The following QTGAL variants were observed in gnomAD, a reference collection of about 807,000 sequenced individuals.
The protein encoded by QTGAL is BGnT-like protein 1.
At chr17:83,028,323 G>T in the QTGAL span, among the ~76,000 whole-genome samples, 1 of 151,490 alleles carries the variant, frequency 6.6e-6, no homozygotes, top group African/African-American at 2.4e-5. Flanking sequence ...AGGAGATCGA[G>T]ACCATCCTGG....
chr17:82,945,961 C>A, the QTGAL span: 1 of 152,222 alleles, frequency 6.6e-6, no homozygotes, highest in East Asian at 1.9e-4. Context: ...CGTAGAATTG[C>A]TTAAAATGGA....
At chr17:82,970,616 C>CACACGGCGTGGCCGTGACCTCCG in the QTGAL span, among the ~76,000 whole-genome samples, 2 of 31,210 alleles carry the variant, frequency 6.4e-5, no homozygotes, top group African/African-American at 2.8e-4. Context: ...CGCGACCTCC[C>CACACGGCGTGGCCGTGACCTCCG]CACCCGGCGT....
At chr17:82,998,485 A>G in the QTGAL span, among the ~76,000 whole-genome samples, 1 of 152,036 alleles carries the variant, frequency 6.6e-6, no homozygotes, top group Admixed American at 6.6e-5. Context: ...AGCTGGGACT[A>G]CAGGCGCCCA....
chr17:82,993,290 T>C, the QTGAL span, among the ~76,000 whole-genome samples: 1 of 152,030 alleles, frequency 6.6e-6, no homozygotes, highest in East Asian at 1.9e-4. Context: ...TCCATGCCAA[T>C]GGAACCAGAA....
At chr17:83,045,671 TG>T in the QTGAL span, among the ~76,000 whole-genome samples, 1 of 152,102 alleles carries the variant, frequency 6.6e-6, no homozygotes, top group Non-Finnish European at 1.5e-5. Context: ...GGAAAAAAAT[TG>T]CAAATTATAT....
the QTGAL span, among the ~76,000 whole-genome samples, chr17:82,950,759 T>A: frequency 6.6e-6 from 1 of 152,364 alleles, no homozygotes; most frequent in East Asian, 1.9e-4. Context: ...TCAGAGCTCC[T>A]GGGTGACCAG....
the QTGAL span, among the ~76,000 whole-genome samples, chr17:82,985,160 T>C: frequency 6.6e-6 from 1 of 152,172 alleles, no homozygotes; most frequent in Admixed American, 6.5e-5. Flanking sequence ...CACCTTTCGG[T>C]TTGTTTAGAA....
At chr17:82,947,091 A>G in the QTGAL span, 3 of 888,990 alleles carry the variant, frequency 3.4e-6, no homozygotes, top group South Asian at 1.6e-5. Flanking sequence ...CCACCTGTCA[A>G]GTGTTCTGCT....
At chr17:83,024,796 T>G in the QTGAL span, among the ~76,000 whole-genome samples, 1 of 152,250 alleles carries the variant, frequency 6.6e-6, no homozygotes, top group Non-Finnish European at 1.5e-5. Flanking sequence ...GACGCTGTGA[T>G]GCTGAGGAGT....
the QTGAL span, among the ~76,000 whole-genome samples, chr17:82,970,556 G>GA: frequency 1.8e-4 from 26 of 141,256 alleles, no homozygotes; most frequent in East Asian, 4.0e-4. Context: ...ACCCGGCGTG[G>GA]CCGCGACCTC....
the QTGAL span, among the ~76,000 whole-genome samples, chr17:83,015,792 G>A: frequency 6.2e-4 from 94 of 152,322 alleles, no homozygotes; most frequent in Middle Eastern, 3.4e-3. This position sits in a 1 kb window ranked among gnomAD's most constrained non-coding sequence, Gnocchi z 4.4. Flanking sequence ...AGGAATCCAG[G>A]TCACAGACTC....
chr17:83,035,194 TTC>T, the QTGAL span: 6 of 1,142,314 alleles, frequency 5.3e-6, no homozygotes, highest in African/African-American at 3.2e-5. Flanking sequence ...TTTTTTTTTT[TTC>T]GAGATGGAGT....
chr17:83,002,509 C>T, the QTGAL span, among the ~76,000 whole-genome samples: 1 of 152,204 alleles, frequency 6.6e-6, no homozygotes, highest in African/African-American at 2.4e-5. Flanking sequence ...CCAGGACACG[C>T]GCCCTCGGCC....
At chr17:82,951,825 G>A in the QTGAL span, among the ~76,000 whole-genome samples, 1 of 151,870 alleles carries the variant, frequency 6.6e-6, no homozygotes, top group South Asian at 2.1e-4. Flanking sequence ...GAGCGGGGAG[G>A]CGACAGCTGC....
chr17:83,032,773 A>C, the QTGAL span, among the ~76,000 whole-genome samples: 1 of 152,198 alleles, frequency 6.6e-6, no homozygotes, highest in Admixed American at 6.5e-5. Flanking sequence ...CTAAGAAGAA[A>C]AGAGAAGAAA....
At chr17:82,960,131 C>T in the QTGAL span, among the ~76,000 whole-genome samples, 2,359 of 152,264 alleles carry the variant, frequency 0.015, 71 homozygotes, top group African/African-American at 0.054. Context: ...AGCGCGGACG[C>T]GGGAGGCCCC....
At chr17:82,982,558 G>A in the QTGAL span, among the ~76,000 whole-genome samples, 2 of 150,504 alleles carry the variant, frequency 1.3e-5, no homozygotes, top group Non-Finnish European at 1.5e-5. Flanking sequence ...CTCCCACCAC[G>A]TGAGGACACG....
the QTGAL span, among the ~76,000 whole-genome samples, chr17:83,026,249 G>A: frequency 3.3e-5 from 5 of 152,284 alleles, no homozygotes; most frequent in South Asian, 2.1e-4. Context: ...TCACTCTTCC[G>A]TGCCCTGGGA....
At chr17:83,024,634 AGG>A in the QTGAL span, among the ~76,000 whole-genome samples, 1 of 152,236 alleles carries the variant, frequency 6.6e-6, no homozygotes, top group Admixed American at 6.5e-5. Flanking sequence ...ACTCTGGCCC[AGG>A]GGTGAATCCA....
Sources: allele counts gnomAD v4.1 joint callset (sites outside exome capture counted in the v4.1 genomes callset), GRCh38; gene constraint gnomAD v4.1.1; non-coding constraint Gnocchi (gnomAD v3.1); transcripts MANE v1.5; gene names NCBI Gene and HGNC (gene_info 2026-07-23, HGNC 2026-07-21).